AK5: variants seen among roughly 807,000 people sequenced by gnomAD.
The protein encoded by AK5 is adenylate kinase isoenzyme 5.
Under a neutral mutation model 69.5 loss-of-function variants are expected in AK5, and 27 were observed. The ratio of observed to expected loss-of-function variants is 0.39; its 90% CI spans 0.29 to 0.54. The LOEUF is 0.54. Ranked by LOEUF, AK5 falls within the 20% of genes least tolerant of loss-of-function variation. The pLI, the probability that AK5 is intolerant of heterozygous loss-of-function variation, is 0.71. For missense variants in AK5, 531 were observed against 700.4 expected (o/e 0.76, Z 2.73); for synonymous variants, 260 against 244.4 (o/e 1.06, Z -0.60).
chr1:77,469,411 G>A (rs1209090445), intron 8 of AK5, among the ~76,000 whole-genome samples: 21 of 152,204 alleles, frequency 1.4e-4, no homozygotes, highest in Admixed American at 1.4e-3. Context: ...ACAAAATTGA[G>A]GTTTCCCAGA....
At chr1:77,350,097 A>G (rs975746960) in intron 6 of AK5, among the ~76,000 whole-genome samples, 2 of 152,230 alleles carry the variant, frequency 1.3e-5, no homozygotes, top group African/African-American at 4.8e-5. Flanking sequence ...TACAAAGATG[A>G]TGTGGAGCCA....
intron 8 of AK5, among the ~76,000 whole-genome samples, chr1:77,424,565 G>A (rs1383223594): frequency 6.6e-6 from 1 of 152,154 alleles, no homozygotes; most frequent in African/African-American, 2.4e-5. Context: ...AGCAGAGAAG[G>A]AAATTCTAAC....
intron 1 of AK5, among the ~76,000 whole-genome samples, chr1:77,285,734 C>T (rs1658311325): frequency 6.6e-6 from 1 of 152,096 alleles, no homozygotes; most frequent in South Asian, 2.1e-4. Context: ...TGTTTCTTTT[C>T]CCCTCTGGAA....
In AK5 at chr1:77,297,660, A is replaced by C. The variant is rs1199779047; in HGVS notation, c.517A>C (p.Ser173Arg). 4 of 1,614,030 alleles carry C rather than the reference A, an allele frequency of 2.5e-6. No homozygotes were observed. The highest frequency in any genetic ancestry group is 3.4e-6 in the Non-Finnish European group (4 of 1,179,948). Reference protein sequence around the residue: ...VGELLRKKIHSTSSNRKWSLI... With the variant: ...VGELLRKKIHRTSSNRKWSLI... ...AGAATTATTAAGAAAGAAGATCCAC[A>C]GTACCAGCAGCAATAGGAAATGGAG... The change falls in exon 4 of 14, where the codon AGT becomes CGT. Residue 173 changes from serine to arginine, a missense_variant. Coordinates refer to ENST00000354567, the MANE Select transcript of AK5 (RefSeq NM_174858.3).
At chr1:77,476,579 C>T (rs899488496) in intron 8 of AK5, among the ~76,000 whole-genome samples, 3 of 152,150 alleles carry the variant, frequency 2.0e-5, no homozygotes, top group African/African-American at 4.8e-5. Flanking sequence ...GCATTTCTAA[C>T]GATGCCCCTC....
chr1:77,477,411 A>AT (rs978126280), intron 8 of AK5, among the ~76,000 whole-genome samples: 25 of 152,126 alleles, frequency 1.6e-4, no homozygotes, highest in African/African-American at 6.0e-4. Context: ...CTTACACGAT[A>AT]TTTTTTTGCT....
chr1:77,470,717 C>A (rs938771632), intron 8 of AK5, among the ~76,000 whole-genome samples: 1 of 150,514 alleles, frequency 6.6e-6, no homozygotes, highest in South Asian at 2.1e-4. Flanking sequence ...GTAATTCCAA[C>A]AAAGTTTTGA....
intron 2 of AK5, among the ~76,000 whole-genome samples, chr1:77,291,626 G>A (rs1236007338): frequency 5.3e-5 from 8 of 151,960 alleles, no homozygotes; most frequent in African/African-American, 1.2e-4. Context: ...TTTTCTCTAT[G>A]GGAAACTATT....
intron 6 of AK5, among the ~76,000 whole-genome samples, chr1:77,349,240 TTACCTATA>T (rs1662070349): frequency 6.6e-6 from 1 of 152,124 alleles, no homozygotes; most frequent in Non-Finnish European, 1.5e-5. Context: ...TTGAGTACAA[TTACCTATA>T]TAACAAACTT....
chr1:77,351,262 G>A lies in AK5; in HGVS notation c.891+10694G>A, dbSNP rs112726508. Among the ~76,000 whole-genome samples the A allele has an allele frequency of 5.1e-3, 778 of 152,146 alleles. 5 individuals carry two copies. The highest frequency in any genetic ancestry group is 0.034 in the Middle Eastern group (10 of 294). On this transcript the variant is annotated intron_variant, in intron 6 of 13. Transcript: ENST00000354567. ...TACAAAAAATTAGTTGGGCATGGTG[G>A]TGCACACCTGCAGTCCCGGCTACTT...
intron 6 of AK5, among the ~76,000 whole-genome samples, chr1:77,397,262 C>T (rs986533237): frequency 2.6e-5 from 4 of 152,102 alleles, no homozygotes; most frequent in Non-Finnish European, 1.5e-5. Context: ...AGAACCTCCC[C>T]GAGCCCCACA....
chr1:77,470,849 ATATATATATATATATATATATATATATTT>A (rs1390786246), intron 8 of AK5, among the ~76,000 whole-genome samples: 8 of 2,060 alleles, frequency 3.9e-3, no homozygotes, highest in African/African-American at 0.013. Context: ...ATATATATAT[ATATATATATATATATATATATATATATTT>A]TTTTTTTTTT....
At chr1:77,507,789 C>T (rs1237336549) in intron 10 of AK5, among the ~76,000 whole-genome samples, 1 of 152,160 alleles carries the variant, frequency 6.6e-6, no homozygotes, top group Non-Finnish European at 1.5e-5. Context: ...CAGCAAATTG[C>T]CTTCCTTAGA....
At chr1:77,503,345 A>G (rs1436737435) in intron 10 of AK5, among the ~76,000 whole-genome samples, 1 of 132,274 alleles carries the variant, frequency 7.6e-6, no homozygotes, top group Non-Finnish European at 1.7e-5. Flanking sequence ...GATATGATAA[A>G]CCTAAATGTT....
chr1:77,283,066 G>A (rs930593220), intron 1 of AK5: 10 of 985,524 alleles, frequency 1.0e-5, no homozygotes, highest in African/African-American at 1.7e-5. Flanking sequence ...GAGCTGCGAG[G>A]GGGGCGGACT....
At chr1:77,327,390 CAAAAA>C (rs4033041) in intron 5 of AK5, among the ~76,000 whole-genome samples, 1 of 128,966 alleles carries the variant, frequency 7.8e-6, no homozygotes, top group African/African-American at 2.9e-5. Context: ...GATCCTGTCT[CAAAAA>C]AAAAAAAAAA....
intron 10 of AK5, among the ~76,000 whole-genome samples, chr1:77,497,254 CAT>C (rs1281068100): frequency 6.6e-6 from 1 of 152,192 alleles, no homozygotes; most frequent in Non-Finnish European, 1.5e-5. Flanking sequence ...TCCCCGAGAC[CAT>C]GAACCCACCG....
In AK5 at chr1:77,319,159, C is replaced by G. The variant is rs1438980040; in HGVS notation, c.699+21212C>G. ...AAAGGTTCCTTATAGGGGCCTTGAC[C>G]TTTAGTAGAGAGAGGTAGCCAGCTC... On this transcript the variant is annotated intron_variant, in intron 5 of 13. Coordinates refer to ENST00000354567, the MANE Select transcript of AK5 (RefSeq NM_174858.3). 2.6e-5 allele frequency among the ~76,000 whole-genome samples: 4 copies of G among 152,112 alleles called. 1 individual carries two copies. Among genetic ancestry groups the G allele is most frequent in the Non-Finnish European group, 2.9e-5 (2 of 68,016 alleles).
At chr1:77,409,897 T>G (rs1649920265) in intron 6 of AK5, among the ~76,000 whole-genome samples, 1 of 152,184 alleles carries the variant, frequency 6.6e-6, no homozygotes, top group Admixed American at 6.5e-5. Context: ...GACTTTAATC[T>G]ATCTTAAGTT....
Sources: gnomAD v4.1 joint callset for allele counts (sites outside exome capture counted in the v4.1 genomes callset) on GRCh38, gnomAD v4.1.1 for gene constraint, MANE v1.5 for transcripts, NCBI Gene and HGNC (gene_info 2026-07-23, HGNC 2026-07-21) for gene names.